SNX1: variants seen among roughly 807,000 people sequenced by gnomAD.
SNX1 encodes the protein sorting nexin-1.
A neutral mutation model predicts 71.8 loss-of-function variants in SNX1; 36 were observed. That is an observed-to-expected ratio of 0.50 (90% CI 0.38 to 0.66). SNX1 has a LOEUF of 0.66. SNX1 is among the 30% of genes least tolerant of loss of function. The probability of loss-of-function intolerance (pLI) is 0.00; values close to 1 mark genes in which losing one functional copy is unlikely to be tolerated. For synonymous variants in SNX1, 254 were observed against 240.7 expected (o/e 1.06, Z -0.51); for missense variants, 612 against 646.7 (o/e 0.95, Z 0.58).
chr15:64,134,831 C>T lies in SNX1; in HGVS notation c.1365+24C>T, dbSNP rs1231443017. On this transcript the variant is annotated intron_variant, in intron 12 of 14. Transcript: ENST00000559844. The surrounding 1 kb of genome is among the most constrained non-coding windows in gnomAD (Gnocchi z 4.1). ...AGGTGAGTCCACTGAGGCAGCCCAG[C>T]CAGGGGTGTTCTGCTGGTTCCAAAT... 3.1e-6 allele frequency: 5 copies of T among 1,612,566 alleles called. No homozygotes were observed. Among genetic ancestry groups the T allele is most frequent in the Non-Finnish European group, 4.2e-6 (5 of 1,179,512 alleles).
rs1303952606 is a variant in SNX1, at chr15:64,118,159, A to C, written c.314A>C (p.Gln105Pro). Residue 105 changes from glutamine to proline, a missense_variant, in exon 3 of 15, where the codon CAG (glutamine) becomes CCG (proline). By Grantham distance (76) the Gln-to-Pro change is moderately conservative. Around this residue, in one of 2 missense-constraint regions of SNX1, gnomAD observed 316 missense variants for 284.9 expected, o/e 1.11. Coordinates refer to ENST00000559844, the MANE Select transcript of SNX1 (RefSeq NM_003099.5). ...ELSLDSTQNN[Q>P]KKVLAKTLIS... ...TCCTTGGACAGCACACAAAATAATCAGAAGAAGGTGCTAGCCAAAACACTC... is the reference window on the plus strand; with the variant it reads ...TCCTTGGACAGCACACAAAATAATCCGAAGAAGGTGCTAGCCAAAACACTC... 13 of 1,612,104 alleles carry C rather than the reference A, an allele frequency of 8.1e-6. No individual in the cohort carries two copies. Among genetic ancestry groups the C allele is most frequent in the Non-Finnish European group, 1.0e-5 (12 of 1,179,548 alleles).
rs1415869497 is a variant in SNX1, at chr15:64,136,979, G to A, written c.1518+47G>A. On this transcript the variant is annotated intron_variant, in intron 14 of 14. Coordinates refer to ENST00000559844, the MANE Select transcript of SNX1 (RefSeq NM_003099.5). ...TTCATCCTCTACTGCCTGCTCCAAA[G>A]GCCAGCTGCCTCCTCGGGGCTTCTG... The A allele has an allele frequency of 5.3e-6, 8 of 1,521,074 alleles. No homozygotes were observed. The East Asian group carries it at 1.8e-4, about 34-fold the overall frequency. 94.2% of individuals were successfully genotyped at this position (1,521,074 alleles called of 1,614,324 possible). A position where few individuals can be genotyped will look rare whatever the true frequency, so the allele number is the denominator to read the frequency against.
chr15:64,136,420 A>C lies in SNX1; in HGVS notation c.1446+10A>C. On this transcript the variant is annotated intron_variant, in intron 13 of 14. Coordinates refer to ENST00000559844, the MANE Select transcript of SNX1 (RefSeq NM_003099.5). ...AGTGATACGGTTTGAGGTGAGATAG[A>C]AAATCCTACTTCTCACTTAGCATGC... 1 of 1,609,454 alleles carries C rather than the reference A, an allele frequency of 6.2e-7. No individual in the cohort carries two copies. The highest frequency in any genetic ancestry group is 8.5e-7 in the Non-Finnish European group (1 of 1,175,722).
At chr15:64,120,562 A>G (rs1000557290) in intron 4 of SNX1, among the ~76,000 whole-genome samples, 1 of 152,192 alleles carries the variant, frequency 6.6e-6, no homozygotes, top group African/African-American at 2.4e-5. Context: ...GTGTAATCCC[A>G]GCAGTTTGGA....
intron 9 of SNX1, 66 bp downstream of exon 9, chr15:64,130,095 G>T: frequency 2.7e-6 from 4 of 1,475,112 alleles, no homozygotes; most frequent in Non-Finnish European, 3.8e-6. Flanking sequence ...CCCCTAAGGA[G>T]TCCTGAAATT....
intron 10 of SNX1, among the ~76,000 whole-genome samples, chr15:64,130,567 A>G (rs1264254095): frequency 6.6e-6 from 1 of 152,226 alleles, no homozygotes; most frequent in African/African-American, 2.4e-5. Context: ...CAGATACAGC[A>G]TGACCTGGGA....
chr15:64,105,551 G>A lies in SNX1; in HGVS notation c.160-7022G>A, dbSNP rs199566837. Among the ~76,000 whole-genome samples the A allele has an allele frequency of 4.7e-4, 72 of 152,284 alleles. 1 individual carries two copies. In the East Asian group the frequency reaches 0.013, roughly 27 times the overall value. On this transcript the variant is annotated intron_variant, in intron 1 of 14. Transcript: ENST00000559844. ...CTGGCTTATTCTTTTGCTTCGTCAC[G>A]TGGACAGCTGGAGCTTCATTCTGCT... is the stretch of plus-strand genomic sequence containing the variant.
chr15:64,125,407 G>A (rs1183479670), intron 5 of SNX1, among the ~76,000 whole-genome samples: 1 of 150,486 alleles, frequency 6.6e-6, no homozygotes, highest in Non-Finnish European at 1.5e-5. Flanking sequence ...GGAGGTTGCA[G>A]TGAGCCAAGA....
rs112746109 is a variant in SNX1 at position 64,142,327 on chromosome 15, CA to C, written c.*4719del. The C allele has an allele frequency of 3.1e-3, 643 of 209,156 alleles. No homozygotes were observed. The highest frequency in any genetic ancestry group is 0.016 in the South Asian group (268 of 16,302). 13.0% of individuals were successfully genotyped at this position (209,156 alleles called of 1,614,324 possible). On this transcript the variant is annotated 3_prime_UTR_variant, in exon 15 of 15. Transcript: ENST00000559844. ...TAGGTGACAGAGCAAGATCTTGTCTCAAAAAAAAAAGCAGCTCTGGATGGGA... is the reference window on the plus strand; with the variant it reads ...TAGGTGACAGAGCAAGATCTTGTCTCAAAAAAAAAGCAGCTCTGGATGGGA...
At chr15:64,110,688 C>T (rs2081069783) in intron 1 of SNX1, among the ~76,000 whole-genome samples, 1 of 152,214 alleles carries the variant, frequency 6.6e-6, no homozygotes, top group Non-Finnish European at 1.5e-5. Flanking sequence ...AGGTGTGAGC[C>T]ACCACACGTG....
chr15:64,141,617 A>C lies in SNX1; in HGVS notation c.*3999A>C, dbSNP rs1392047852. On this transcript the variant is annotated 3_prime_UTR_variant, in exon 15 of 15. Transcript: ENST00000559844. The surrounding 1 kb of genome is among the most constrained non-coding windows in gnomAD (Gnocchi z 5.1). ...AGGTAGGCGCATCTAGGGAAATGTC[A>C]AGTGGCTTGGTGTAGGGTAAAGTCA... 1 of 152,324 alleles carries C rather than the reference A, an allele frequency of 6.6e-6. No individual in the cohort carries two copies. The highest frequency in any genetic ancestry group is 1.5e-5 in the Non-Finnish European group (1 of 68,154). The allele number at this position is 152,324 out of a possible 1,614,324, so 9.4% of individuals were successfully genotyped here. A position where few individuals can be genotyped will look rare whatever the true frequency, so the allele number is the denominator to read the frequency against.
Position 64,129,321 on chromosome 15 carries a change from T to A in SNX1, c.808-595T>A, listed in dbSNP as rs1386560166. Among the ~76,000 whole-genome samples, 1 of 152,130 alleles carries A rather than the reference T, an allele frequency of 6.6e-6. No individual in the cohort carries two copies. Among genetic ancestry groups the A allele is most frequent in the African/African-American group, 2.4e-5 (1 of 41,416 alleles). ...TGACTTTTTAGCATAGTGTGCTGTA[T>A]ATGCTATAGATTTTTCAGCGTCCTT... On this transcript the variant is annotated intron_variant, in intron 8 of 14. Transcript: ENST00000559844. The surrounding 1 kb of genome is among the most constrained non-coding windows in gnomAD (Gnocchi z 4.4).
At chr15:64,132,623 GC>G (rs565981575) in intron 11 of SNX1, among the ~76,000 whole-genome samples, 138 of 152,280 alleles carry the variant, frequency 9.1e-4, no homozygotes, top group African/African-American at 3.1e-3. Context: ...AGGAAGCCTG[GC>G]ACCTACACTC....
rs144091905 is a variant in SNX1 at position 64,124,985 on chromosome 15, T to C, written c.511-1094T>C. ...TTTGGTAGAAATCTGCTTTGTATTGTCTCTCTACTACTTGTTGGCCTGCGT... is the reference window on the plus strand; with the variant it reads ...TTTGGTAGAAATCTGCTTTGTATTGCCTCTCTACTACTTGTTGGCCTGCGT... On this transcript the variant is annotated intron_variant, in intron 5 of 14. Transcript: ENST00000559844. Among the ~76,000 whole-genome samples, 230 of 152,312 alleles carry C rather than the reference T, an allele frequency of 1.5e-3. 1 individual carries two copies. The highest frequency in any genetic ancestry group is 4.9e-3 in the African/African-American group (205 of 41,566).
In SNX1 at chr15:64,134,619, C is replaced by T. The variant is rs1306517856; in HGVS notation, c.1222-45C>T. 7 of 1,579,718 alleles carry T rather than the reference C, an allele frequency of 4.4e-6. No individual in the cohort carries two copies. In the African/African-American group the frequency reaches 6.7e-5, roughly 15 times the overall value. ...CTGCCTCGAGGCAGAGCCAGCAGAG[C>T]TCTTGAAGAGCTGGTTGTGCTCCTC... is the stretch of plus-strand genomic sequence containing the variant. On this transcript the variant is annotated intron_variant, in intron 11 of 14. Transcript: ENST00000559844. The surrounding 1 kb of genome is among the most constrained non-coding windows in gnomAD (Gnocchi z 4.1).
In SNX1 at chr15:64,141,565, C is replaced by T. The variant is rs2081414782; in HGVS notation, c.*3947C>T. The T allele has an allele frequency of 6.6e-6, 1 of 152,304 alleles. No individual in the cohort carries two copies. The highest frequency in any genetic ancestry group is 2.4e-5 in the African/African-American group (1 of 41,454). 9.4% of individuals were successfully genotyped at this position (152,304 alleles called of 1,614,324 possible). ...AAAGGTGTAAAAGTGTTTGTTGCTT[C>T]TGCCTCCCTGTCTGTCTGGCAGGGT... is the stretch of plus-strand genomic sequence containing the variant. On this transcript the variant is annotated 3_prime_UTR_variant, in exon 15 of 15. Coordinates refer to ENST00000559844, the MANE Select transcript of SNX1 (RefSeq NM_003099.5). This position sits in a 1 kb window ranked among gnomAD's most constrained non-coding sequence, Gnocchi z 5.1.
chr15:64,131,330 A>G (rs1948568204), intron 10 of SNX1, among the ~76,000 whole-genome samples: 1 of 152,204 alleles, frequency 6.6e-6, no homozygotes, highest in Non-Finnish European at 1.5e-5. Flanking sequence ...TCTCTTGTAC[A>G]GAGAGGCTAC....
intron 6 of SNX1, 65 bp downstream of exon 6, chr15:64,126,285 A>G: frequency 1.3e-6 from 2 of 1,519,902 alleles, no homozygotes; most frequent in Admixed American, 3.7e-5. Flanking sequence ...AAATTCACTC[A>G]CTGTTCAGTA....
intron 1 of SNX1, among the ~76,000 whole-genome samples, chr15:64,097,090 GT>G (rs1378722755): frequency 1.3e-5 from 2 of 151,778 alleles, no homozygotes; most frequent in Non-Finnish European, 2.9e-5. Context: ...TCCTTTTATG[GT>G]TCCTATGGGT....
Sources: gnomAD v4.1 joint callset for allele counts (sites outside exome capture counted in the v4.1 genomes callset) on GRCh38, gnomAD v4.1.1 for gene constraint, gnomAD v4.1.1 regional missense constraint, Gnocchi (gnomAD v3.1) non-coding constraint, MANE v1.5 for transcripts, NCBI Gene and HGNC (gene_info 2026-07-23, HGNC 2026-07-21) for gene names.